The following BRWD1 variants were observed in gnomAD, a reference collection of about 807,000 sequenced individuals.
BRWD1 encodes bromodomain and WD repeat-containing protein 1.
A neutral mutation model predicts 251.2 loss-of-function variants in BRWD1; 82 were observed. The observed-to-expected ratio is 0.33, with a 90% CI of 0.27 to 0.39. The LOEUF (loss-of-function observed/expected upper bound fraction) is 0.39, where lower values mean the gene tolerates loss of function less well. Among genes scored for constraint, BRWD1 ranks in the 10% least tolerant of loss-of-function variants. The pLI is 1.00. For synonymous variants in BRWD1, 918 were observed against 902.8 expected, an observed-to-expected ratio of 1.02 and a Z score of -0.30; for missense variants, 2,233 against 2,711.6, an observed-to-expected ratio of 0.82 and a Z score of 3.92.
chr21:39,238,117 A>G (rs1455589076), intron 22 of BRWD1, among the ~76,000 whole-genome samples: 1 of 152,162 alleles, frequency 6.6e-6, no homozygotes, highest in African/African-American at 2.4e-5. Context: ...TTTTGGACCC[A>G]GGAAATCTGG....
In BRWD1 at chr21:39,195,244, T is replaced by G. The variant is rs1194887935; in HGVS notation, c.*1015A>C. On this transcript the variant is annotated 3_prime_UTR_variant, in exon 41 of 41. Coordinates refer to ENST00000342449, the MANE Select transcript of BRWD1 (RefSeq NM_033656.4). ...GGAGAATGACATTTAGCTATTTTCCTATATAGATAAGATTTGCAATTGTAC... is the reference window on the plus strand; with the variant it reads ...GGAGAATGACATTTAGCTATTTTCCGATATAGATAAGATTTGCAATTGTAC... 3 of 1,024,866 alleles carry G rather than the reference T, an allele frequency of 2.9e-6. No individual in the cohort carries two copies. Among genetic ancestry groups the G allele is most frequent in the Non-Finnish European group, 2.3e-6 (2 of 854,890 alleles). 63.5% of individuals were successfully genotyped at this position (1,024,866 alleles called of 1,614,324 possible).
intron 21 of BRWD1, among the ~76,000 whole-genome samples, chr21:39,243,384 A>G (rs542722576): frequency 6.6e-6 from 1 of 152,306 alleles, no homozygotes; most frequent in African/African-American, 2.4e-5. Flanking sequence ...AGGACCATTG[A>G]CTGGTAAAAT....
chr21:39,241,272 C>T (rs1463907875), intron 21 of BRWD1, among the ~76,000 whole-genome samples: 1 of 151,442 alleles, frequency 6.6e-6, no homozygotes, highest in Admixed American at 6.6e-5. Flanking sequence ...TCAAGACCAG[C>T]ATGGCCAACA....
intron 15 of BRWD1, among the ~76,000 whole-genome samples, chr21:39,266,863 A>G (rs544024684): frequency 9.9e-5 from 15 of 152,218 alleles, no homozygotes; most frequent in African/African-American, 2.9e-4. Context: ...AATTTTGGCT[A>G]TGCAACTGGA....
At chr21:39,235,030 C>T (rs1329549666) in intron 23 of BRWD1, among the ~76,000 whole-genome samples, 2 of 152,286 alleles carry the variant, frequency 1.3e-5, no homozygotes, top group Middle Eastern at 3.4e-3. Flanking sequence ...GGGCAGATCA[C>T]CTGAGGTCAG....
intron 18 of BRWD1, among the ~76,000 whole-genome samples, chr21:39,257,556 T>A (rs544470379): frequency 2.3e-3 from 350 of 151,834 alleles, no homozygotes; most frequent in East Asian, 0.015. Flanking sequence ...TTTTTTTTTT[T>A]AAAAAAGGCC....
At chr21:39,265,860 G>A (rs899391042) in intron 15 of BRWD1, among the ~76,000 whole-genome samples, 1 of 152,214 alleles carries the variant, frequency 6.6e-6, no homozygotes, top group Non-Finnish European at 1.5e-5. Flanking sequence ...CCCTAACAGA[G>A]ATTTCAGAAA....
upstream of BRWD1, among the ~76,000 whole-genome samples, chr21:39,318,770 C>A (rs1040599981): frequency 6.6e-6 from 1 of 152,056 alleles, no homozygotes; most frequent in Non-Finnish European, 1.5e-5. Flanking sequence ...AGGTGTGCAC[C>A]ACCATGCCTG....
chr21:39,303,573 C>A (rs1601500528), intron 4 of BRWD1, among the ~76,000 whole-genome samples: 1 of 150,490 alleles, frequency 6.6e-6, no homozygotes, highest in Non-Finnish European at 1.5e-5. Context: ...AATAGTTAGG[C>A]CAGGCGAGGT....
At chr21:39,292,406 T>C (rs1004745543) in intron 8 of BRWD1, among the ~76,000 whole-genome samples, 5 of 152,190 alleles carry the variant, frequency 3.3e-5, no homozygotes, top group African/African-American at 1.2e-4. Context: ...AAGGCAATGA[T>C]CATCAGTGAG....
Position 39,206,706 on chromosome 21 carries a change from C to G in BRWD1, c.4198-432G>C, listed in dbSNP as rs1000890081. ...AGCACTTTTATATACCCATCTCTGT[C>G]TGCAATCTGTTTTCAATGCCACCTA... On this transcript the variant is annotated intron_variant, in intron 36 of 40. Transcript: ENST00000342449. Among the ~76,000 whole-genome samples the G allele has an allele frequency of 3.9e-5, 6 of 152,332 alleles. No homozygotes were observed. The South Asian group carries it at 8.3e-4, about 21-fold the overall frequency.
chr21:39,264,686 C>A lies in BRWD1; in HGVS notation c.1660-1G>T. ...TATGGAAGAACATCTGATCAGGAAT[C>A]TAGAAAAATGAAGTTCACAGGATGA... On this transcript the variant is annotated splice_acceptor_variant, in intron 16 of 40. Transcript: ENST00000342449. LOFTEE classifies it high-confidence loss of function. 1 of 1,593,208 alleles carries A rather than the reference C, an allele frequency of 6.3e-7. No homozygotes were observed. The highest frequency in any genetic ancestry group is 1.1e-5 in the South Asian group (1 of 88,520).
intron 4 of BRWD1, among the ~76,000 whole-genome samples, chr21:39,303,379 C>G (rs1024677428): frequency 6.6e-6 from 1 of 151,244 alleles, no homozygotes; most frequent in Non-Finnish European, 1.5e-5. Context: ...ATTAGCCGGG[C>G]ATGGTAGCAG....
rs753221420 is a variant in BRWD1 at position 39,212,727 on chromosome 21, AC to A, written c.3859-21del. The A allele has an allele frequency of 6.6e-7, 1 of 1,522,116 alleles. No homozygotes were observed. Among genetic ancestry groups the A allele is most frequent in the South Asian group, 1.2e-5 (1 of 84,452 alleles). The allele number at this position is 1,522,116 out of a possible 1,614,324, so 94.3% of individuals were successfully genotyped here. Reference sequence around the variant, plus strand: ...ATCATCCTAGGAATAAAATCAGAGCACCTTAAGTATTTAGAGTCTCATTAGA... The same window carrying A: ...ATCATCCTAGGAATAAAATCAGAGCACTTAAGTATTTAGAGTCTCATTAGA... On this transcript the variant is annotated intron_variant, in intron 33 of 40. Coordinates refer to ENST00000342449, the MANE Select transcript of BRWD1 (RefSeq NM_033656.4).
At chr21:39,312,794 G>C in intron 4 of BRWD1, 47 bp downstream of exon 4, 1 of 1,512,040 alleles carries the variant, frequency 6.6e-7, no homozygotes, top group Non-Finnish European at 9.0e-7. Context: ...GCGGGGGCGG[G>C]GGGCGGTGCA....
At chr21:39,256,780 G>A (rs542600734) in intron 18 of BRWD1, among the ~76,000 whole-genome samples, 3 of 152,326 alleles carry the variant, frequency 2.0e-5, no homozygotes, top group Non-Finnish European at 4.4e-5. Context: ...ATTGATTCTT[G>A]TGGGAGGCTA....
At chr21:39,264,382 T>A in intron 17 of BRWD1, 78 bp downstream of exon 17, 6 of 858,318 alleles carry the variant, frequency 7.0e-6, no homozygotes, top group East Asian at 3.1e-5. Flanking sequence ...GATCTAAAGG[T>A]AAGGAAATTA....
intron 8 of BRWD1, among the ~76,000 whole-genome samples, chr21:39,291,022 C>G (rs938178792): frequency 6.6e-6 from 1 of 152,030 alleles, no homozygotes; most frequent in South Asian, 2.1e-4. Context: ...CCTAGCTACT[C>G]GAGAGGTTGA....
At chr21:39,224,238 A>G (rs2033293009) in intron 29 of BRWD1, among the ~76,000 whole-genome samples, 170 bp downstream of exon 29, 1 of 152,256 alleles carries the variant, frequency 6.6e-6, no homozygotes, top group African/African-American at 2.4e-5. Flanking sequence ...AAGGTCAAGA[A>G]TTAACAAAAC....
Sources: allele counts gnomAD v4.1 joint callset (sites outside exome capture counted in the v4.1 genomes callset), GRCh38; gene constraint gnomAD v4.1.1; transcripts MANE v1.5; gene names NCBI Gene and HGNC (gene_info 2026-07-23, HGNC 2026-07-21).